The following LDB3 variants were observed in gnomAD, a reference collection of about 807,000 sequenced individuals.
LDB3 encodes the protein LIM domain-binding protein 3.
In LDB3, 49 loss-of-function variants were observed where a neutral mutation model predicts 69.0. The ratio of observed to expected loss-of-function variants is 0.71; its 90% CI spans 0.56 to 0.90. LDB3 has a LOEUF of 0.90. Ranked by LOEUF, LDB3 falls within the 40% of genes least tolerant of loss-of-function variation. The pLI, the probability that LDB3 is intolerant of heterozygous loss-of-function variation, is 0.00. For missense variants in LDB3, 928 were observed against 974.1 expected, an observed-to-expected ratio of 0.95 and a Z score of 0.63; for synonymous variants, 387 against 396.2, an observed-to-expected ratio of 0.98 and a Z score of 0.28.
chr10:86,733,139 G>A lies in LDB3; in HGVS notation c.*163G>A, dbSNP rs761006353. 8 of 635,226 alleles carry A rather than the reference G, an allele frequency of 1.3e-5. No individual in the cohort carries two copies. The highest frequency in any genetic ancestry group is 2.8e-5 in the East Asian group (1 of 35,248). 39.3% of individuals were successfully genotyped at this position (635,226 alleles called of 1,614,324 possible). A position where few individuals can be genotyped will look rare whatever the true frequency, so the allele number is the denominator to read the frequency against. ...AGGTTTTTTCTTCTGTACACAGATCGTGCATTTGCATAGTTCAGACTAGGA... is the reference window on the plus strand; with the variant it reads ...AGGTTTTTTCTTCTGTACACAGATCATGCATTTGCATAGTTCAGACTAGGA... On this transcript the variant is annotated 3_prime_UTR_variant, in exon 14 of 14. Transcript: ENST00000361373.
At position 86,679,987 on chromosome 10, in the gene LDB3, C is replaced by G. The variant is rs1845020668; in HGVS notation, c.246-95C>G. On this transcript the variant is annotated intron_variant, in intron 3 of 13. Transcript: ENST00000361373. ...AGCTATCTCTGAGAGCTGACTCTGG[C>G]TCTCTCTTGCTCTCTCCTCACCAGC... The G allele has an allele frequency of 4.7e-6, 5 of 1,075,118 alleles. No homozygotes were observed. In the South Asian group the frequency reaches 5.1e-5, roughly 11 times the overall value. 66.6% of individuals were successfully genotyped at this position (1,075,118 alleles called of 1,614,324 possible).
intron 4 of LDB3, 151 bp from the exon 5 acceptor site, chr10:86,681,285 T>TC: frequency 8.6e-7 from 1 of 1,165,660 alleles, no homozygotes; most frequent in Non-Finnish European, 1.3e-6. Context: ...ACCAGTGTCC[T>TC]CCCCTCCAAG....
At chr10:86,682,382 G>A (rs1845206083) in intron 5 of LDB3, among the ~76,000 whole-genome samples, 1 of 152,100 alleles carries the variant, frequency 6.6e-6, no homozygotes, top group Admixed American at 6.5e-5. Flanking sequence ...CCAGGGTGGG[G>A]TGGCGAGGAA....
rs751701959 is a variant in LDB3 at position 86,681,396 on chromosome 10, G to T, written c.322-40G>T. ...GCTGGGACGCGTGTGGCCTCTAACC[G>T]CTCTCTTCTCTCTCCCCTGCATGGC... On this transcript the variant is annotated intron_variant, in intron 4 of 13. Coordinates refer to ENST00000361373, the MANE Select transcript of LDB3 (RefSeq NM_007078.3). 5 of 1,598,022 alleles carry T rather than the reference G, an allele frequency of 3.1e-6. No individual in the cohort carries two copies. In the Admixed American group the frequency reaches 6.7e-5, roughly 21 times the overall value.
intron 9 of LDB3, among the ~76,000 whole-genome samples, chr10:86,713,120 T>C (rs1023012181): frequency 1.3e-5 from 2 of 152,092 alleles, no homozygotes; most frequent in Admixed American, 1.3e-4. Context: ...TAATTATTAA[T>C]GTGCCTTCAA....
chr10:86,679,662 C>A, intron 3 of LDB3, 144 bp downstream of exon 3: 1 of 952,486 alleles, frequency 1.0e-6, no homozygotes, highest in African/African-American at 1.6e-5. Flanking sequence ...CAGCCCTGGG[C>A]CAGAGGAATG....
chr10:86,679,544 G>T, intron 3 of LDB3, 26 bp downstream of exon 3: 2 of 1,613,028 alleles, frequency 1.2e-6, no homozygotes, highest in Admixed American at 1.7e-5. Flanking sequence ...CCAGAGCAGG[G>T]GGCGGAGGTT....
chr10:86,673,453 TGACA>T (rs746280166), intron 2 of LDB3, among the ~76,000 whole-genome samples: 1 of 152,040 alleles, frequency 6.6e-6, no homozygotes, highest in Non-Finnish European at 1.5e-5. Context: ...AAAGGAGACA[TGACA>T]GGAGCCAGTT....
In LDB3 at chr10:86,699,320, A is replaced by G. The variant is rs370682028; in HGVS notation, c.896+6749A>G. 2.4e-5 allele frequency: 39 copies of G among 1,613,608 alleles called. No homozygotes were observed. Among genetic ancestry groups the G allele is most frequent in the Non-Finnish European group, 3.2e-5 (38 of 1,179,970 alleles). The stretch of plus-strand genomic sequence containing the variant: ...AACGTAACAGCCCACGTTTTGCCAA[A>G]TTGCGCAACTGGCACCATGGCCTTT... On this transcript the variant is annotated intron_variant, in intron 7 of 13. Coordinates refer to ENST00000361373, the MANE Select transcript of LDB3 (RefSeq NM_007078.3). This position sits in a 1 kb window ranked among gnomAD's most constrained non-coding sequence, Gnocchi z 4.9.
chr10:86,718,404 C>T (rs1052084492), intron 11 of LDB3, among the ~76,000 whole-genome samples: 2 of 152,192 alleles, frequency 1.3e-5, no homozygotes, highest in African/African-American at 4.8e-5. Context: ...CACAGCCTGA[C>T]CTTACCACTC....
chr10:86,672,086 T>A (rs1420545922), intron 2 of LDB3, among the ~76,000 whole-genome samples: 1 of 133,038 alleles, frequency 7.5e-6, no homozygotes, highest in Non-Finnish European at 1.6e-5. Context: ...CACTCCATTC[T>A]GGGGGCAGAG....
rs1846179206 is a variant in LDB3 at position 86,699,798 on chromosome 10, G to A, written c.897-6733G>A. 9.6e-7 allele frequency: 1 copy of A among 1,040,762 alleles called. No individual in the cohort carries two copies. Among genetic ancestry groups the A allele is most frequent in the Non-Finnish European group, 1.2e-6 (1 of 863,126 alleles). 64.5% of individuals were successfully genotyped at this position (1,040,762 alleles called of 1,614,324 possible). A position where few individuals can be genotyped will look rare whatever the true frequency, so the allele number is the denominator to read the frequency against. On this transcript the variant is annotated intron_variant, in intron 7 of 13. Coordinates refer to ENST00000361373, the MANE Select transcript of LDB3 (RefSeq NM_007078.3). The surrounding 1 kb of genome is among the most constrained non-coding windows in gnomAD (Gnocchi z 4.9). ...TAGAATGAGTCACCCGTAGATCAGGGTCTGGGGAAGAGGCTGATCCCTGGC... is the reference window on the plus strand; with the variant it reads ...TAGAATGAGTCACCCGTAGATCAGGATCTGGGGAAGAGGCTGATCCCTGGC...
At chr10:86,706,951 C>T (rs1846468059) in intron 8 of LDB3, among the ~76,000 whole-genome samples, 2 of 152,172 alleles carry the variant, frequency 1.3e-5, no homozygotes, top group Admixed American at 6.5e-5. Flanking sequence ...GACACATACA[C>T]CGGTGAGAGA....
chr10:86,698,940 G>C (rs1846131332), intron 7 of LDB3, among the ~76,000 whole-genome samples: 1 of 152,080 alleles, frequency 6.6e-6, no homozygotes, highest in Non-Finnish European at 1.5e-5. Context: ...CATGGACCAG[G>C]GAGGCCCTCT....
At chr10:86,725,631 G>A (rs1406305671) in intron 12 of LDB3, among the ~76,000 whole-genome samples, 1 of 152,146 alleles carries the variant, frequency 6.6e-6, no homozygotes, top group Non-Finnish European at 1.5e-5. Context: ...GGAAGGAGGA[G>A]GAGGACATGC....
chr10:86,715,206 A>C (rs1846821644), intron 9 of LDB3, among the ~76,000 whole-genome samples: 1 of 152,166 alleles, frequency 6.6e-6, no homozygotes, highest in African/African-American at 2.4e-5. Flanking sequence ...GGACTGCCTC[A>C]ATGCAGTCCA....
intron 5 of LDB3, among the ~76,000 whole-genome samples, chr10:86,687,755 A>C (rs1490146227): frequency 6.6e-6 from 1 of 152,250 alleles, no homozygotes; most frequent in Non-Finnish European, 1.5e-5. Context: ...GCTGGCAATC[A>C]GTCCCACAGA....
chr10:86,696,831 G>T (rs965389192), intron 7 of LDB3, among the ~76,000 whole-genome samples: 4 of 152,244 alleles, frequency 2.6e-5, no homozygotes, highest in African/African-American at 9.6e-5. Flanking sequence ...AAGGGAAGAA[G>T]ACGCTGGCAC....
In LDB3 at chr10:86,668,713, A is replaced by C; in HGVS notation, c.22A>C (p.Thr8Pro). MSYSVTL[T>P]GPGPWGFRLQ... ...CAGCATGTCTTACAGTGTGACCCTG[A>C]CTGGGCCCGGGCCCTGGGGCTTCCG... The change falls in exon 2 of 14, where the codon ACT becomes CCT. Residue 8 changes from threonine to proline, a missense_variant. Coordinates refer to ENST00000361373, the MANE Select transcript of LDB3 (RefSeq NM_007078.3). 1 of 1,613,310 alleles carries C rather than the reference A, an allele frequency of 6.2e-7. No homozygotes were observed. The highest frequency in any genetic ancestry group is 1.1e-5 in the South Asian group (1 of 91,078).
Sources: allele counts gnomAD v4.1 joint callset (sites outside exome capture counted in the v4.1 genomes callset), GRCh38; gene constraint gnomAD v4.1.1; non-coding constraint Gnocchi (gnomAD v3.1); transcripts MANE v1.5; gene names NCBI Gene and HGNC (gene_info 2026-07-23, HGNC 2026-07-21).